HOPX: variants seen among roughly 807,000 people sequenced by gnomAD.
HOPX encodes the protein homeodomain-only protein.
HOPX carries 5 observed loss-of-function variants against 11.8 expected under a neutral mutation model. The observed-to-expected ratio is 0.43, with a 90% confidence interval of 0.22 to 0.89. The LOEUF is 0.89. HOPX is among the 40% of genes least tolerant of loss of function. The pLI is 0.28. For missense variants in HOPX, 119 were observed against 120.0 expected, an observed-to-expected ratio of 0.99 and a Z score of 0.04; for synonymous variants, 49 against 49.7, an observed-to-expected ratio of 0.99 and a Z score of 0.06.
At chr4:56,665,724 A>G (rs964279689) in intron 1 of HOPX, 13 of 152,140 alleles carry the variant, frequency 8.5e-5, no homozygotes, top group Non-Finnish European at 1.5e-4. Flanking sequence ...CAGCAACACT[A>G]TGTGTTCTTA....
At position 56,657,889 on chromosome 4, in the gene HOPX, C is replaced by T; in HGVS notation, c.-73G>A. The T allele has an allele frequency of 6.4e-7, 1 of 1,551,074 alleles. No individual in the cohort carries two copies. The highest frequency in any genetic ancestry group is 1.2e-5 in the South Asian group (1 of 83,982). On this transcript the variant is annotated 5_prime_UTR_variant, in exon 2 of 4. Transcript: ENST00000420433. The stretch of plus-strand genomic sequence containing the variant: ...GCTAGACCCTTCTCAGTGGGGCAGT[C>T]TGTCATTAGTCTGGTAGGAAAAATC...
chr4:56,667,132 T>C lies in HOPX; in HGVS notation c.-83-9233A>G, dbSNP rs75668008. Reference sequence around the variant, plus strand: ...GGTATCCAGAATTGTCATTGAAACATTGGTAGGTACTCAGTGAATATCTAT... The same window carrying C: ...GGTATCCAGAATTGTCATTGAAACACTGGTAGGTACTCAGTGAATATCTAT... On this transcript the variant is annotated intron_variant, in intron 1 of 3. Coordinates refer to ENST00000420433, the MANE Select transcript of HOPX (RefSeq NM_032495.6). Among the ~76,000 whole-genome samples the C allele has an allele frequency of 3.9e-3, 597 of 152,316 alleles. 5 individuals are homozygous for C. The highest frequency in any genetic ancestry group is 0.018 in the East Asian group (94 of 5,188).
chr4:56,673,590 A>G (rs1348712286), intron 1 of HOPX, among the ~76,000 whole-genome samples: 1 of 152,190 alleles, frequency 6.6e-6, no homozygotes, highest in Non-Finnish European at 1.5e-5. Flanking sequence ...CAAGATGAAG[A>G]GCTGGTTATT....
At chr4:56,672,450 A>AATCG (rs1213768966) in intron 1 of HOPX, among the ~76,000 whole-genome samples, 1 of 151,964 alleles carries the variant, frequency 6.6e-6, no homozygotes, top group African/African-American at 2.4e-5. Flanking sequence ...GAGGGACAAG[A>AATCG]ATCGCTTGAA....
chr4:56,648,543 T>C lies in HOPX; in HGVS notation c.*177A>G. On this transcript the variant is annotated 3_prime_UTR_variant, in exon 4 of 4. Transcript: ENST00000420433. ...GAAGATACACATAGCTTCCTATTGTTATTTTCTTTTCTAATTATGTACATT... is the reference window on the plus strand; with the variant it reads ...GAAGATACACATAGCTTCCTATTGTCATTTTCTTTTCTAATTATGTACATT... The C allele has an allele frequency of 2.2e-6, 1 of 454,564 alleles. No individual in the cohort carries two copies. Among genetic ancestry groups the C allele is most frequent in the East Asian group, 3.1e-5 (1 of 32,134 alleles). The allele number at this position is 454,564 out of a possible 1,614,324, so 28.2% of individuals were successfully genotyped here.
At chr4:56,653,423 G>A (rs148670442) in intron 3 of HOPX, among the ~76,000 whole-genome samples, 3 of 152,104 alleles carry the variant, frequency 2.0e-5, no homozygotes, top group Non-Finnish European at 4.4e-5. Flanking sequence ...GATGAAAGAA[G>A]AAATCATTCT....
At chr4:56,675,512 C>T (rs1718962558) in intron 1 of HOPX, among the ~76,000 whole-genome samples, 1 of 151,636 alleles carries the variant, frequency 6.6e-6, no homozygotes, top group African/African-American at 2.4e-5. Flanking sequence ...TCCTGCTCAC[C>T]AGACCTGTCC....
At chr4:56,650,561 T>C in intron 3 of HOPX, 1 of 1,080,514 alleles carries the variant, frequency 9.3e-7, no homozygotes, top group Non-Finnish European at 1.3e-6. Context: ...GCAGGACTGC[T>C]TTGGGCTCCA....
intron 1 of HOPX, 61 bp downstream of exon 1, chr4:56,681,194 G>T: frequency 1.0e-6 from 1 of 973,874 alleles, no homozygotes; most frequent in Non-Finnish European, 1.2e-6. Flanking sequence ...TAGCATTTTG[G>T]TCTAGTTCCT....
rs28655088 is a variant in HOPX at position 56,674,651 on chromosome 4, C to G, written c.-84+6604G>C. ...TAGATCATTTGTGAAAGGTCTGGCACTGTTTTCATGTTTGGTCACATTTTA... is the reference window on the plus strand; with the variant it reads ...TAGATCATTTGTGAAAGGTCTGGCAGTGTTTTCATGTTTGGTCACATTTTA... On this transcript the variant is annotated intron_variant, in intron 1 of 3. Transcript: ENST00000420433. Among the ~76,000 whole-genome samples the G allele has an allele frequency of 3.3e-3, 506 of 151,792 alleles. 37 individuals are homozygous for G. Among genetic ancestry groups the G allele is most frequent in the African/African-American group, 0.011 (467 of 41,050 alleles).
chr4:56,657,938 G>T lies in HOPX; in HGVS notation c.-83-39C>A, dbSNP rs187829725. ...TCAGGAGGGCAGTAGTCATAATGCA[G>T]GCAGGAGCTCATTGCCATTTTGAAT... On this transcript the variant is annotated intron_variant, in intron 1 of 3. Coordinates refer to ENST00000420433, the MANE Select transcript of HOPX (RefSeq NM_032495.6). 3.1e-5 allele frequency: 48 copies of T among 1,536,466 alleles called. No individual in the cohort carries two copies. In the East Asian group the frequency reaches 4.9e-4, roughly 16 times the overall value.
chr4:56,657,716 AC>A, intron 2 of HOPX, 58 bp downstream of exon 2: 1 of 749,688 alleles, frequency 1.3e-6, no homozygotes. Flanking sequence ...TTCTGTGTGC[AC>A]CCATTGCCCG....
chr4:56,681,489 G>T, upstream of HOPX: 1 of 996,518 alleles, frequency 1.0e-6, no homozygotes. Context: ...TGTTCAGGCT[G>T]GGACTTCTGA....
At chr4:56,660,342 A>G (rs1370216311) in intron 1 of HOPX, among the ~76,000 whole-genome samples, 10 of 152,264 alleles carry the variant, frequency 6.6e-5, no homozygotes. Context: ...CTTTACGGGA[A>G]CAAGATCCCA....
At chr4:56,676,999 A>G (rs1017325790) in intron 1 of HOPX, among the ~76,000 whole-genome samples, 2 of 151,836 alleles carry the variant, frequency 1.3e-5, no homozygotes, top group Admixed American at 1.3e-4. Flanking sequence ...TGGGTCCCCA[A>G]AGAATGAGGC....
chr4:56,661,603 C>G (rs1227395483), intron 1 of HOPX, among the ~76,000 whole-genome samples: 1 of 152,196 alleles, frequency 6.6e-6, no homozygotes, highest in Non-Finnish European at 1.5e-5. Flanking sequence ...TCCAAATCCT[C>G]ATCAACACTT....
At position 56,656,090 on chromosome 4, in the gene HOPX, G is replaced by A. The variant is rs1717691918; in HGVS notation, c.43-78C>T. On this transcript the variant is annotated intron_variant, in intron 2 of 3. Coordinates refer to ENST00000420433, the MANE Select transcript of HOPX (RefSeq NM_032495.6). ...CGCAGCGAAGGAAGGCGGTCGCGGC[G>A]CCGCCGGGCAGCCCCAGCCCCAGGC... 4.4e-6 allele frequency: 6 copies of A among 1,360,954 alleles called. No individual in the cohort carries two copies. In the Admixed American group the frequency reaches 1.5e-4, roughly 34 times the overall value. 84.3% of individuals were successfully genotyped at this position (1,360,954 alleles called of 1,614,324 possible). A position where few individuals can be genotyped will look rare whatever the true frequency, so the allele number is the denominator to read the frequency against.
chr4:56,679,810 T>A (rs548477151), intron 1 of HOPX: 115 of 152,346 alleles, frequency 7.5e-4, no homozygotes, highest in African/African-American at 2.7e-3. Context: ...GTTTGCATTT[T>A]CTATCATTTT....
Position 56,655,944 on chromosome 4 carries a change from G to A in HOPX, c.111C>T (p.Tyr37=), listed in dbSNP as rs531855552. 5 of 1,611,720 alleles carry A rather than the reference G, an allele frequency of 3.1e-6. No homozygotes were observed. Among genetic ancestry groups the A allele is most frequent in the African/African-American group, 2.7e-5 (2 of 74,922 alleles). Residue 37 remains tyrosine (Y), a synonymous_variant, in exon 3 of 4, where the codon TAC becomes TAT. Transcript: ENST00000420433. ...PTEDQVEILE[Y]NFNKVDKHPD... ...GGTGCTTGTCGACCTTGTTGAAGTT[G>A]TACTCCAGGATTTCCACCTGGTCCT...
Sources: gnomAD v4.1 joint callset for allele counts (sites outside exome capture counted in the v4.1 genomes callset) on GRCh38, gnomAD v4.1.1 for gene constraint, MANE v1.5 for transcripts, NCBI Gene and HGNC (gene_info 2026-07-23, HGNC 2026-07-21) for gene names.